Variants in SLC4A8 observed in about 807,000 individuals in gnomAD.
The protein encoded by SLC4A8 is solute carrier family 4 member 8.
Under a neutral mutation model 125.0 loss-of-function variants are expected in SLC4A8, and 40 were observed. The observed-to-expected ratio is 0.32, with a 90% CI of 0.25 to 0.42. The LOEUF (loss-of-function observed/expected upper bound fraction) is 0.42, where lower values mean the gene tolerates loss of function less well. Among genes scored for constraint, SLC4A8 ranks in the 10% least tolerant of loss-of-function variants. The probability of loss-of-function intolerance (pLI) is 1.00; values close to 1 mark genes in which losing one functional copy is unlikely to be tolerated. For synonymous variants in SLC4A8, 456 were observed against 476.0 expected, an observed-to-expected ratio of 0.96 and a Z score of 0.55; for missense variants, 863 against 1,355.1, an observed-to-expected ratio of 0.64 and a Z score of 5.70.
At chr12:51,438,298 G>A (rs1370716962) in intron 1 of SLC4A8, among the ~76,000 whole-genome samples, 1 of 151,926 alleles carries the variant, frequency 6.6e-6, no homozygotes, top group Non-Finnish European at 1.5e-5. Flanking sequence ...TGCCTTCCTA[G>A]CCTCTAATAT....
chr12:51,441,580 A>G (rs1209998824), intron 2 of SLC4A8, among the ~76,000 whole-genome samples: 1 of 152,210 alleles, frequency 6.6e-6, no homozygotes, highest in Non-Finnish European at 1.5e-5. Context: ...GCTCATGTCC[A>G]GTATCCAATA....
intron 2 of SLC4A8, among the ~76,000 whole-genome samples, chr12:51,445,396 G>C (rs1432774591): frequency 6.6e-6 from 1 of 152,126 alleles, no homozygotes; most frequent in African/African-American, 2.4e-5. Flanking sequence ...TCAAACTACT[G>C]AATGCAAGTG....
intron 1 of SLC4A8, among the ~76,000 whole-genome samples, chr12:51,432,276 T>C (rs1949214463): frequency 1.3e-5 from 2 of 150,812 alleles, no homozygotes; most frequent in Admixed American, 6.6e-5. Flanking sequence ...CCGGGTGTGG[T>C]GGCGGGCGCC....
At chr12:51,463,407 TGG>T (rs1200275781) in intron 10 of SLC4A8, among the ~76,000 whole-genome samples, 2 of 133,076 alleles carry the variant, frequency 1.5e-5, no homozygotes, top group South Asian at 2.6e-4. Flanking sequence ...AGAGAAATTA[TGG>T]GGTGTGTGTG....
At chr12:51,488,913 G>A (rs763345185) in intron 18 of SLC4A8, 53 bp downstream of exon 18, 89 of 1,518,820 alleles carry the variant, frequency 5.9e-5, no homozygotes, top group Middle Eastern at 3.6e-4. Flanking sequence ...TTACATTTTC[G>A]TAAAATTTTA....
At chr12:51,448,988 G>C (rs1035822843) in intron 2 of SLC4A8, among the ~76,000 whole-genome samples, 29 of 152,166 alleles carry the variant, frequency 1.9e-4, no homozygotes, top group African/African-American at 6.5e-4. Flanking sequence ...GGCAGGGATG[G>C]ATGGAAAGGA....
intron 2 of SLC4A8, among the ~76,000 whole-genome samples, chr12:51,442,042 C>T (rs1202234600): frequency 6.6e-6 from 1 of 152,142 alleles, no homozygotes; most frequent in African/African-American, 2.4e-5. Flanking sequence ...GATTAGGCAC[C>T]TTATACAAGT....
At chr12:51,403,259 G>A (rs1027882273) in intron 1 of SLC4A8, 2 of 456,872 alleles carry the variant, frequency 4.4e-6, no homozygotes, top group Non-Finnish European at 8.8e-6. Context: ...GGCCACTCAA[G>A]CCTGAACAGA....
chr12:51,436,093 C>G (rs1949400499), intron 1 of SLC4A8, among the ~76,000 whole-genome samples: 3 of 152,178 alleles, frequency 2.0e-5, no homozygotes. Flanking sequence ...CAATTTAGGA[C>G]TGCATGGCTC....
intron 1 of SLC4A8, among the ~76,000 whole-genome samples, chr12:51,408,093 C>T (rs1948525367): frequency 6.6e-6 from 1 of 152,174 alleles, no homozygotes; most frequent in Non-Finnish European, 1.5e-5. Context: ...CACCCTACTC[C>T]AGTATGACCT....
chr12:51,433,887 T>TTTTG (rs1949306216), intron 1 of SLC4A8, among the ~76,000 whole-genome samples: 4 of 127,590 alleles, frequency 3.1e-5, no homozygotes, highest in South Asian at 2.5e-4. Flanking sequence ...TTGGTTGGTT[T>TTTTG]TTTTTTGAGA....
At chr12:51,421,425 C>T (rs1435957240), upstream of SLC4A8, among the ~76,000 whole-genome samples, 2 of 152,244 alleles carry the variant, frequency 1.3e-5, no homozygotes, top group Non-Finnish European at 2.9e-5. Context: ...CTGTGGCCTA[C>T]TTCCTTTTGT....
rs553828674 is a variant in SLC4A8, at chr12:51,425,084, C to T, written c.48+49C>T. 8 of 1,536,178 alleles carry T rather than the reference C, an allele frequency of 5.2e-6. No individual in the cohort carries two copies. In the African/African-American group the frequency reaches 9.7e-5, roughly 19 times the overall value. ...CCCGCTCCTCCCCGGGGCGCAGCCT[C>T]CTCATCCTCTGCCCACCCTCCTTCC... On this transcript the variant is annotated intron_variant, in intron 1 of 24. Coordinates refer to ENST00000453097, the MANE Select transcript of SLC4A8 (RefSeq NM_001039960.3).
chr12:51,490,840 T>A (rs1003724958), intron 19 of SLC4A8, among the ~76,000 whole-genome samples: 26 of 152,078 alleles, frequency 1.7e-4, no homozygotes, highest in African/African-American at 6.3e-4. Flanking sequence ...AGGGACATGA[T>A]CCAGCTAGTT....
chr12:51,462,584 A>G (rs1592225703), intron 10 of SLC4A8, 128 bp downstream of exon 10: 2 of 669,092 alleles, frequency 3.0e-6, no homozygotes, highest in South Asian at 6.7e-5. Flanking sequence ...CACCTAGAAT[A>G]TCAAAACAAT....
At position 51,471,288 on chromosome 12, in the gene SLC4A8, G is replaced by A; in HGVS notation, c.1660G>A (p.Asp554Asn). ...FEKILFKFCK[D>N]YALSYLSLRA... is the part of the protein sequence containing the mutation. ...TGATGAACTTTGGTCTTGTTTCAGA[G>A]ACTATGCTCTTTCATACCTCTCCCT... Residue 554 changes from aspartate to asparagine, a missense_variant and splice_region_variant, in exon 14 of 25, where the codon GAC becomes AAC. Asp to Asn is a conservative substitution (Grantham distance 23, BLOSUM62 1). Around this residue, in one of 6 missense-constraint regions of SLC4A8, gnomAD observed 390 missense variants for 634.4 expected, o/e 0.61. Coordinates refer to ENST00000453097, the MANE Select transcript of SLC4A8 (RefSeq NM_001039960.3). 6.2e-7 allele frequency: 1 copy of A among 1,610,288 alleles called. No individual in the cohort carries two copies. The highest frequency in any genetic ancestry group is 1.3e-5 in the African/African-American group (1 of 75,036).
intron 5 of SLC4A8, among the ~76,000 whole-genome samples, chr12:51,453,913 A>G (rs1224306399): frequency 1.3e-5 from 2 of 152,172 alleles, no homozygotes; most frequent in African/African-American, 4.8e-5. Context: ...TTCAAATGAC[A>G]TGGTGTTAAG....
At chr12:51,503,234 T>A (rs2138447824) in intron 22 of SLC4A8, among the ~76,000 whole-genome samples, 1 of 150,750 alleles carries the variant, frequency 6.6e-6, no homozygotes, top group South Asian at 2.1e-4. Flanking sequence ...TTATTTTTAT[T>A]TTTTTTTTGA....
intron 11 of SLC4A8, among the ~76,000 whole-genome samples, chr12:51,468,683 C>G (rs1950598134): frequency 6.6e-6 from 1 of 152,172 alleles, no homozygotes; most frequent in Admixed American, 6.5e-5. Context: ...TGGTGTGAAC[C>G]CAGGAGGCGG....
Sources: gnomAD v4.1 joint callset for allele counts (sites outside exome capture counted in the v4.1 genomes callset) on GRCh38, gnomAD v4.1.1 for gene constraint, gnomAD v4.1.1 regional missense constraint, MANE v1.5 for transcripts, NCBI Gene and HGNC (gene_info 2026-07-23, HGNC 2026-07-21) for gene names.